The following USP34 variants were observed in gnomAD, a reference collection of about 807,000 sequenced individuals.
USP34 encodes ubiquitin specific peptidase 34.
USP34 carries 70 observed loss-of-function variants against 460.3 expected under a neutral mutation model. The ratio of observed to expected loss-of-function variants is 0.15; its 90% CI spans 0.13 to 0.19. The LOEUF (loss-of-function observed/expected upper bound fraction) is 0.19, where lower values mean the gene tolerates loss of function less well. Ranked by LOEUF, USP34 falls within the 10% of genes least tolerant of loss-of-function variation. USP34 has a pLI of 1.00. For missense variants in USP34, 3,985 were observed against 4,236.2 expected, an observed-to-expected ratio of 0.94 and a Z score of 1.65; for synonymous variants, 1,647 against 1,405.3, an observed-to-expected ratio of 1.17 and a Z score of -3.85.
intron 27 of USP34, among the ~76,000 whole-genome samples, chr2:61,303,099 C>T (rs1690279534): frequency 6.6e-6 from 1 of 151,950 alleles, no homozygotes; most frequent in Non-Finnish European, 1.5e-5. Flanking sequence ...CGGAGTGTCA[C>T]TCTGTCACCC....
chr2:61,196,917 C>T (rs780980162), intron 75 of USP34, among the ~76,000 whole-genome samples: 8 of 152,170 alleles, frequency 5.3e-5, no homozygotes, highest in Non-Finnish European at 1.2e-4. Flanking sequence ...ACCATAGAGG[C>T]CTTTTATGAT....
chr2:61,206,636 C>T lies in USP34; in HGVS notation c.9046+124G>A, dbSNP rs1687128444. 1.3e-5 allele frequency: 16 copies of T among 1,231,544 alleles called. No individual in the cohort carries two copies. In the East Asian group the frequency reaches 4.1e-4, roughly 31 times the overall value. The allele number at this position is 1,231,544 out of a possible 1,614,324, so 76.3% of individuals were successfully genotyped here. A position where few individuals can be genotyped will look rare whatever the true frequency, so the allele number is the denominator to read the frequency against. On this transcript the variant is annotated intron_variant, in intron 71 of 79. Coordinates refer to ENST00000398571, the MANE Select transcript of USP34 (RefSeq NM_014709.4). ...CAAACATTTCCTGATGGTTAGCTAG[C>T]TTCAGCCTCATCTTCTGTGCATAAA...
intron 1 of USP34, among the ~76,000 whole-genome samples, chr2:61,458,875 G>C (rs1292907659): frequency 3.3e-5 from 5 of 152,062 alleles, no homozygotes; most frequent in African/African-American, 1.2e-4. Context: ...AGACCAGCCT[G>C]GTCAACATGG....
At chr2:61,218,063 A>C (rs1465897538) in intron 67 of USP34, among the ~76,000 whole-genome samples, 1 of 152,028 alleles carries the variant, frequency 6.6e-6, no homozygotes, top group Non-Finnish European at 1.5e-5. Flanking sequence ...GAATAATATT[A>C]AACAATGCCA....
rs555258938 is a variant in USP34, at chr2:61,243,741, C to T, written c.6627+1469G>A. ...CAAAAATTAGCTGGGCATGGTGGCGCGTGCCTGTAATCCCAGCTATTCGGG... is the reference window on the plus strand; with the variant it reads ...CAAAAATTAGCTGGGCATGGTGGCGTGTGCCTGTAATCCCAGCTATTCGGG... On this transcript the variant is annotated intron_variant, in intron 51 of 79. Coordinates refer to ENST00000398571, the MANE Select transcript of USP34 (RefSeq NM_014709.4). Among the ~76,000 whole-genome samples the T allele has an allele frequency of 3.3e-5, 5 of 151,676 alleles. No homozygotes were observed. In the East Asian group the frequency reaches 5.9e-4, roughly 18 times the overall value.
rs1337310688 is a variant in USP34 at position 61,207,751 on chromosome 2, ACTC to A, written c.8920-868_8920-866del. 2.0e-5 allele frequency: 3 copies of A among 151,956 alleles called. No individual in the cohort carries two copies. In the East Asian group the frequency reaches 5.6e-4, roughly 29 times the overall value. The allele number at this position is 151,956 out of a possible 1,614,324, so 9.4% of individuals were successfully genotyped here. ...CATTTTAAAGAATGAAATTCTTACT[ACTC>A]CTCTTCACCTACCTTTTTTTTAATA... is the stretch of plus-strand genomic sequence containing the variant. On this transcript the variant is annotated intron_variant, in intron 70 of 79. Coordinates refer to ENST00000398571, the MANE Select transcript of USP34 (RefSeq NM_014709.4).
chr2:61,345,570 T>A (rs914806134), intron 15 of USP34, among the ~76,000 whole-genome samples: 23 of 152,326 alleles, frequency 1.5e-4, no homozygotes, highest in African/African-American at 5.5e-4. Flanking sequence ...GAGCACTTAT[T>A]GTGCACCAAT....
At chr2:61,218,870 T>G (rs2103803409) in intron 67 of USP34, among the ~76,000 whole-genome samples, 1 of 152,296 alleles carries the variant, frequency 6.6e-6, no homozygotes, top group South Asian at 2.1e-4. Context: ...TGATTACCAA[T>G]GATGTTAATT....
intron 1 of USP34, among the ~76,000 whole-genome samples, chr2:61,438,579 G>A (rs541515694): frequency 2.6e-5 from 4 of 151,390 alleles, no homozygotes; most frequent in East Asian, 1.9e-4. Flanking sequence ...CAGCCTGGGC[G>A]ACAAGAGTGA....
At chr2:61,454,953 C>T (rs1403195948) in intron 1 of USP34, among the ~76,000 whole-genome samples, 1 of 147,332 alleles carries the variant, frequency 6.8e-6, no homozygotes, top group Non-Finnish European at 1.5e-5. Context: ...GCCATCTTGG[C>T]TCACTGCAAC....
At chr2:61,459,206 G>A (rs1319235070) in intron 1 of USP34, among the ~76,000 whole-genome samples, 1 of 152,186 alleles carries the variant, frequency 6.6e-6, no homozygotes, top group South Asian at 2.1e-4. Context: ...AATAAAAAAA[G>A]ATAGCTTGGT....
chr2:61,283,891 G>C (rs1157000839), intron 35 of USP34, among the ~76,000 whole-genome samples: 2 of 144,416 alleles, frequency 1.4e-5, no homozygotes, highest in African/African-American at 2.5e-5. Context: ...CATTGAAGAA[G>C]AGAGTAGAAT....
Position 61,317,778 on chromosome 2 carries a change from G to A in USP34, c.3169-11C>T. On this transcript the variant is annotated splice_polypyrimidine_tract_variant and intron_variant, in intron 22 of 79. Coordinates refer to ENST00000398571, the MANE Select transcript of USP34 (RefSeq NM_014709.4). ...TTTTAGCTGGGGCATCTTTGGAAGG[G>A]TAGGGGGAAACACAAAGCTAATTTA... The A allele has an allele frequency of 6.2e-7, 1 of 1,603,632 alleles. No individual in the cohort carries two copies. Among genetic ancestry groups the A allele is most frequent in the Non-Finnish European group, 8.5e-7 (1 of 1,172,732 alleles).
chr2:61,325,535 AAC>A, intron 20 of USP34, 78 bp from the exon 21 acceptor site: 1 of 748,478 alleles, frequency 1.3e-6, no homozygotes, highest in Non-Finnish European at 2.0e-6. Flanking sequence ...TCCTATGCAT[AAC>A]TTATACCAAA....
intron 3 of USP34, among the ~76,000 whole-genome samples, chr2:61,405,266 G>C (rs1334452067): frequency 7.6e-6 from 1 of 132,130 alleles, no homozygotes; most frequent in Non-Finnish European, 1.6e-5. Context: ...AAGAAAGAAA[G>C]AAAGAAAGAA....
At chr2:61,387,942 CACACACACACACACACAT>C (rs1248461594) in intron 5 of USP34, among the ~76,000 whole-genome samples, 2 of 146,752 alleles carry the variant, frequency 1.4e-5, no homozygotes, top group Non-Finnish European at 3.0e-5. Context: ...CACACACACA[CACACACACACACACACAT>C]ATATATATAT....
At chr2:61,360,747 C>T (rs1284469034) in intron 10 of USP34, among the ~76,000 whole-genome samples, 1 of 152,158 alleles carries the variant, frequency 6.6e-6, no homozygotes, top group Admixed American at 6.5e-5. Flanking sequence ...GCCTCGACGT[C>T]CTGGGCTCAA....
At chr2:61,397,478 G>C (rs1392678448) in intron 3 of USP34, among the ~76,000 whole-genome samples, 1 of 148,830 alleles carries the variant, frequency 6.7e-6, no homozygotes, top group African/African-American at 2.5e-5. Context: ...TGAAAAGACT[G>C]CTTTTGGCCA....
chr2:61,194,436 C>A (rs1686735973), intron 75 of USP34, among the ~76,000 whole-genome samples: 1 of 152,218 alleles, frequency 6.6e-6, no homozygotes, highest in Non-Finnish European at 1.5e-5. Flanking sequence ...GGTTAGCAAA[C>A]TATGGCCCTC....
Sources: allele counts gnomAD v4.1 joint callset (sites outside exome capture counted in the v4.1 genomes callset), GRCh38; gene constraint gnomAD v4.1.1; transcripts MANE v1.5; gene names NCBI Gene and HGNC (gene_info 2026-07-23, HGNC 2026-07-21).